The following TMEM9 variants were observed in gnomAD, a reference collection of about 807,000 sequenced individuals.
The protein encoded by TMEM9 is transmembrane protein 9.
In TMEM9, 13 loss-of-function variants were observed where a neutral mutation model predicts 22.8. The ratio of observed to expected loss-of-function variants is 0.57; its 90% CI spans 0.37 to 0.91. TMEM9 has a LOEUF of 0.91. TMEM9 is among the 40% of genes least tolerant of loss of function. The pLI is 0.01. For missense variants in TMEM9, 182 were observed against 238.1 expected, an observed-to-expected ratio of 0.76 and a Z score of 1.55; for synonymous variants, 88 against 93.0, an observed-to-expected ratio of 0.95 and a Z score of 0.31.
intron 1 of TMEM9, 97 bp downstream of exon 1, chr1:201,153,761 G>C (rs747610273): frequency 2.6e-4 from 404 of 1,580,004 alleles, no homozygotes; most frequent in Non-Finnish European, 3.3e-4. Flanking sequence ...GTGAGAGGCA[G>C]GCTTAAGGAG....
At chr1:201,159,917 T>C (rs983395850) in intron 1 of TMEM9, among the ~76,000 whole-genome samples, 1 of 152,250 alleles carries the variant, frequency 6.6e-6, no homozygotes, top group Non-Finnish European at 1.5e-5. Flanking sequence ...TACCCTGATG[T>C]GTACAGTCCT....
At chr1:201,143,188 C>T (rs1470669672) in intron 4 of TMEM9, among the ~76,000 whole-genome samples, 1 of 152,198 alleles carries the variant, frequency 6.6e-6, no homozygotes, top group Admixed American at 6.5e-5. Context: ...TAAAGCCAAA[C>T]CCCCTTAGCT....
At chr1:201,138,332 A>G (rs1417606154) in intron 4 of TMEM9, among the ~76,000 whole-genome samples, 1 of 152,202 alleles carries the variant, frequency 6.6e-6, no homozygotes, top group Non-Finnish European at 1.5e-5. Flanking sequence ...ACAGCTCCTA[A>G]GTGGGGGAAA....
Position 201,135,167 on chromosome 1 carries a change from AGCTGGGGCTGGG to A in TMEM9, c.*484_*495del, listed in dbSNP as rs966070637. The A allele has an allele frequency of 7.2e-5, 11 of 153,546 alleles. No homozygotes were observed. The highest frequency in any genetic ancestry group is 2.7e-4 in the African/African-American group (11 of 41,432). 9.5% of individuals were successfully genotyped at this position (153,546 alleles called of 1,614,324 possible). A position where few individuals can be genotyped will look rare whatever the true frequency, so the allele number is the denominator to read the frequency against. On this transcript the variant is annotated 3_prime_UTR_variant, in exon 5 of 5. Transcript: ENST00000367330. Reference sequence around the variant, plus strand: ...CCATCAGAGCTGTCCTCAGGGCTGGAGCTGGGGCTGGGGCTGAGGCGCTGGGGCTGGGAGGGA... The same window carrying A: ...CCATCAGAGCTGTCCTCAGGGCTGGAGCTGAGGCGCTGGGGCTGGGAGGGA...
At chr1:201,160,663 G>A (rs1665919423) in intron 1 of TMEM9, among the ~76,000 whole-genome samples, 3 of 147,144 alleles carry the variant, frequency 2.0e-5, no homozygotes, top group African/African-American at 5.0e-5. Context: ...AGGGCTGGGC[G>A]CAGTGGCTCA....
At chr1:201,160,621 ATTTT>A (rs151096062) in intron 1 of TMEM9, among the ~76,000 whole-genome samples, 7,759 of 148,064 alleles carry the variant, frequency 0.052, 503 homozygotes, top group African/African-American at 0.15. Flanking sequence ...TACTGGGGAA[ATTTT>A]TTTTTTTTTT....
Position 201,153,913 on chromosome 1 carries a change from A to AT in TMEM9, c.10_11insA (p.Leu4TyrfsTer16). On this transcript the variant is annotated frameshift_variant, in exon 1 of 5. Coordinates refer to ENST00000367330, the MANE Select transcript of TMEM9 (RefSeq NM_001288565.2). LOFTEE classifies it high-confidence loss of function. ...ACACCCGACCACAGCCACCAAAGAT[A>AT]AGAGCTTCATGCTTATCAGGCTTGC... is the stretch of plus-strand genomic sequence containing the variant. 1 of 1,613,264 alleles carries AT rather than the reference A, an allele frequency of 6.2e-7. No homozygotes were observed. The highest frequency in any genetic ancestry group is 8.5e-7 in the Non-Finnish European group (1 of 1,179,550).
intron 4 of TMEM9, 144 bp downstream of exon 4, chr1:201,143,676 G>T: frequency 1.4e-6 from 1 of 715,172 alleles, no homozygotes; most frequent in Admixed American, 2.6e-5. Flanking sequence ...TGCTGAGTCT[G>T]GGTGATGTGT....
Position 201,154,078 on chromosome 1 carries a change from A to C in TMEM9, c.-155T>G. On this transcript the variant is annotated 5_prime_UTR_variant, in exon 1 of 5. Coordinates refer to ENST00000367330, the MANE Select transcript of TMEM9 (RefSeq NM_001288565.2). ...GTTGGGGGCTGGGCTCCAGGATTCC[A>C]AGGCCTGCTAAACCTGGTCGCCAAA... 8 of 875,938 alleles carry C rather than the reference A, an allele frequency of 9.1e-6. No individual in the cohort carries two copies. Among genetic ancestry groups the C allele is most frequent in the Non-Finnish European group, 1.4e-5 (8 of 590,612 alleles). The allele number at this position is 875,938 out of a possible 1,614,324, so 54.3% of individuals were successfully genotyped here.
intron 1 of TMEM9, among the ~76,000 whole-genome samples, chr1:201,159,913 G>A (rs528646699): frequency 3.3e-4 from 51 of 152,322 alleles, no homozygotes; most frequent in African/African-American, 1.1e-3. Context: ...TAGCTACCCT[G>A]ATGTGTACAG....
Position 201,163,753 on chromosome 1 carries a change from T to C in TMEM9, c.-37+7737A>G. Among the ~76,000 whole-genome samples, 2 of 151,730 alleles carry C rather than the reference T, an allele frequency of 1.3e-5. 1 individual carries two copies. Among genetic ancestry groups the C allele is most frequent in the African/African-American group, 4.8e-5 (2 of 41,326 alleles). ...AAATGCTGGTGAGGATGTGAAGGGATTGGCTCACTCATACATTGCTGGTGG... is the reference window on the plus strand; with the variant it reads ...AAATGCTGGTGAGGATGTGAAGGGACTGGCTCACTCATACATTGCTGGTGG... On this transcript the variant is annotated intron_variant, in intron 1 of 5. Coordinates refer to the TMEM9 transcript ENST00000367333.
chr1:201,162,751 T>C (rs1665976040), intron 1 of TMEM9, among the ~76,000 whole-genome samples: 1 of 151,996 alleles, frequency 6.6e-6, no homozygotes, highest in Non-Finnish European at 1.5e-5. Context: ...TTCATCAAAA[T>C]TAAAAACTTT....
chr1:201,153,070 AAC>A (rs1443887283), intron 1 of TMEM9, among the ~76,000 whole-genome samples: 1 of 152,204 alleles, frequency 6.6e-6, no homozygotes, highest in African/African-American at 2.4e-5. Flanking sequence ...CTTTAATCAA[AAC>A]ACAGCATCAC....
chr1:201,137,350 G>A (rs1234153470), intron 4 of TMEM9, among the ~76,000 whole-genome samples: 1 of 152,212 alleles, frequency 6.6e-6, no homozygotes, highest in African/African-American at 2.4e-5. Flanking sequence ...TCACTTATGA[G>A]GCTATGTGTC....
chr1:201,165,934 T>C (rs185756614), intron 1 of TMEM9, among the ~76,000 whole-genome samples: 1 of 152,290 alleles, frequency 6.6e-6, no homozygotes, highest in Non-Finnish European at 1.5e-5. Context: ...AAGTCTGCCT[T>C]TCTTCGTGGT....
At chr1:201,165,687 G>A (rs142041102) in intron 1 of TMEM9, among the ~76,000 whole-genome samples, 54 of 152,188 alleles carry the variant, frequency 3.5e-4, no homozygotes, top group Middle Eastern at 3.4e-3. Flanking sequence ...CTCCCAGCTC[G>A]GCCTCCCAAA....
chr1:201,159,484 TACACACACACACAC>T (rs60273477), upstream of TMEM9, among the ~76,000 whole-genome samples: 33 of 147,700 alleles, frequency 2.2e-4, 1 homozygote, highest in Middle Eastern at 6.8e-3. Flanking sequence ...TGCCTTTTTA[TACACACACACACAC>T]ACACACACAC....
chr1:201,145,981 G>C (rs752149756), intron 3 of TMEM9, among the ~76,000 whole-genome samples: 4 of 152,190 alleles, frequency 2.6e-5, no homozygotes, highest in Non-Finnish European at 5.9e-5. Flanking sequence ...AACAAAAAAA[G>C]AAATGGCTAT....
Position 201,135,546 on chromosome 1 carries a change from A to T in TMEM9, c.*117T>A. On this transcript the variant is annotated 3_prime_UTR_variant, in exon 5 of 5. Coordinates refer to ENST00000367330, the MANE Select transcript of TMEM9 (RefSeq NM_001288565.2). ...GTTAGGGAGAAGGAGGAAAAATGCC[A>T]CAGGCTTTTAAAGGGAAGACTGGAA... 1 of 1,130,094 alleles carries T rather than the reference A, an allele frequency of 8.8e-7. No individual in the cohort carries two copies. Among genetic ancestry groups the T allele is most frequent in the Non-Finnish European group, 1.2e-6 (1 of 823,586 alleles). 70.0% of individuals were successfully genotyped at this position (1,130,094 alleles called of 1,614,324 possible). A position where few individuals can be genotyped will look rare whatever the true frequency, so the allele number is the denominator to read the frequency against.
Sources: allele counts gnomAD v4.1 joint callset (sites outside exome capture counted in the v4.1 genomes callset), GRCh38; gene constraint gnomAD v4.1.1; transcripts MANE v1.5; gene names NCBI Gene and HGNC (gene_info 2026-07-23, HGNC 2026-07-21).